SUDS3: variants seen among roughly 807,000 people sequenced by gnomAD.
SUDS3 encodes the protein SIN3A corepressor complex component SDS3.
Under a neutral mutation model 53.5 loss-of-function variants are expected in SUDS3, and 23 were observed. That is an observed-to-expected ratio of 0.43 (90% CI 0.31 to 0.61). The LOEUF (loss-of-function observed/expected upper bound fraction) is 0.61. Among genes scored for constraint, SUDS3 ranks in the 20% least tolerant of loss-of-function variants. The pLI, the probability that SUDS3 is intolerant of heterozygous loss-of-function variation, is 0.10. For synonymous variants in SUDS3, 150 were observed against 148.5 expected (o/e 1.01, Z -0.08); for missense variants, 291 against 405.9 (o/e 0.72, Z 2.43).
At chr12:118,387,858 C>T (rs757800429) in intron 4 of SUDS3, among the ~76,000 whole-genome samples, 66 of 152,162 alleles carry the variant, frequency 4.3e-4, no homozygotes, top group Admixed American at 2.6e-4. Context: ...GCCCGGCCCT[C>T]ATGTGTTCTT....
At position 118,376,718 on chromosome 12, in the gene SUDS3, G is replaced by C. The variant is rs2045999165; in HGVS notation, c.27G>C (p.Pro9=). ...TGAGTGCCGCGGGGCTGCTGGCCCC[G>C]GCCCCGGCCCAGGCTGGAGCGCCGC... The part of the protein sequence containing the change: MSAAGLLA[P]APAQAGAPPA... Residue 9 remains proline, a synonymous_variant, in exon 1 of 12, where the codon CCG becomes CCC. Coordinates refer to ENST00000543473, the MANE Select transcript of SUDS3 (RefSeq NM_022491.3). 1.3e-6 allele frequency: 2 copies of C among 1,521,002 alleles called. No homozygotes were observed. Among genetic ancestry groups the C allele is most frequent in the African/African-American group, 2.9e-5 (2 of 70,096 alleles). The allele number at this position is 1,521,002 out of a possible 1,614,324, so 94.2% of individuals were successfully genotyped here. A position where few individuals can be genotyped will look rare whatever the true frequency, so the allele number is the denominator to read the frequency against.
intron 6 of SUDS3, among the ~76,000 whole-genome samples, chr12:118,394,838 A>G (rs2046199371): frequency 6.6e-6 from 1 of 152,096 alleles, no homozygotes; most frequent in Non-Finnish European, 1.5e-5. Context: ...GGCATGTGCC[A>G]CCTTACCTGG....
rs755543800 is a variant in SUDS3 at position 118,401,964 on chromosome 12, G to T, written c.676-19G>T. On this transcript the variant is annotated intron_variant, in intron 8 of 11. Coordinates refer to ENST00000543473, the MANE Select transcript of SUDS3 (RefSeq NM_022491.3). ...GAAATGATTTTCTCTAAGATTTTTT[G>T]TTGTTGTTCTTCCTACAGCTTAAGT... The T allele has an allele frequency of 3.1e-5, 50 of 1,613,610 alleles. No homozygotes were observed. The highest frequency in any genetic ancestry group is 1.1e-4 in the East Asian group (5 of 44,882).
chr12:118,398,604 A>G (rs1011945555), intron 6 of SUDS3, among the ~76,000 whole-genome samples: 3 of 141,560 alleles, frequency 2.1e-5, no homozygotes, highest in Non-Finnish European at 1.5e-5. Context: ...TAAGAGCAAC[A>G]TGCAGAAGCC....
chr12:118,378,949 A>G (rs2046028858), intron 1 of SUDS3, among the ~76,000 whole-genome samples: 1 of 151,706 alleles, frequency 6.6e-6, no homozygotes, highest in Non-Finnish European at 1.5e-5. Flanking sequence ...TGCTGGGATT[A>G]CAGGCGTGAG....
rs913067142 is a variant in SUDS3, at chr12:118,388,245, C to T, written c.341-1682C>T. Among the ~76,000 whole-genome samples the T allele has an allele frequency of 1.1e-4, 17 of 152,288 alleles. No homozygotes were observed. The South Asian group carries it at 3.3e-3, about 30-fold the overall frequency. On this transcript the variant is annotated intron_variant, in intron 4 of 11. Coordinates refer to ENST00000543473, the MANE Select transcript of SUDS3 (RefSeq NM_022491.3). Reference sequence around the variant, plus strand: ...CTTGTCCCTTTCCTCAGTTAATTTTCTCTGTCAACAACTGTTAACATCTGG... The same window carrying T: ...CTTGTCCCTTTCCTCAGTTAATTTTTTCTGTCAACAACTGTTAACATCTGG...
intron 2 of SUDS3, among the ~76,000 whole-genome samples, 182 bp from the exon 3 acceptor site, chr12:118,383,830 C>A (rs1001828698): frequency 2.0e-5 from 3 of 152,174 alleles, no homozygotes; most frequent in African/African-American, 7.2e-5. Flanking sequence ...CTTTCTTGTT[C>A]CTTTCTGATC....
chr12:118,404,616 ATTTC>A (rs1211732653), intron 10 of SUDS3: 10 of 152,314 alleles, frequency 6.6e-5, no homozygotes, highest in Admixed American at 5.9e-4. Flanking sequence ...ATTCTGATAT[ATTTC>A]TTTTTATTCT....
At position 118,380,198 on chromosome 12, in the gene SUDS3, A is replaced by G. The variant is rs766233481; in HGVS notation, c.179A>G (p.His60Arg). The G allele has an allele frequency of 2.5e-6, 4 of 1,609,308 alleles. No homozygotes were observed. The highest frequency in any genetic ancestry group is 3.4e-5 in the Admixed American group (2 of 59,404). The stretch of plus-strand genomic sequence containing the variant: ...GCTAGTGAAACTGACCTGGCAAAGC[A>G]TGATGAAGAAGACTATGTAGAAATG... ...EDASETDLAK[H>R]DEEDYVEMKE... Residue 60 changes from histidine to arginine, a missense_variant, in exon 2 of 12, where the codon CAT becomes CGT. His to Arg is a conservative substitution (Grantham distance 29, BLOSUM62 0). This residue lies in a region of SUDS3 where 149 missense variants were observed against 146.5 expected (regional missense o/e 1.02). Coordinates refer to ENST00000543473, the MANE Select transcript of SUDS3 (RefSeq NM_022491.3).
In SUDS3 at chr12:118,390,302, G is replaced by A. The variant is rs531730689; in HGVS notation, c.360+356G>A. 3.9e-4 allele frequency among the ~76,000 whole-genome samples: 60 copies of A among 152,272 alleles called. 1 individual carries two copies. The South Asian group carries it at 7.7e-3, about 19-fold the overall frequency. ...GGCTCAGCAGTTCTGTTTTACAGCTGCAACTCTCTGGGCCAGTAAAAAAAG... is the reference window on the plus strand; with the variant it reads ...GGCTCAGCAGTTCTGTTTTACAGCTACAACTCTCTGGGCCAGTAAAAAAAG... On this transcript the variant is annotated intron_variant, in intron 5 of 11. Coordinates refer to ENST00000543473, the MANE Select transcript of SUDS3 (RefSeq NM_022491.3).
At chr12:118,386,431 C>T (rs2046115259) in intron 4 of SUDS3, among the ~76,000 whole-genome samples, 1 of 152,178 alleles carries the variant, frequency 6.6e-6, no homozygotes, top group African/African-American at 2.4e-5. Flanking sequence ...AGGTTGTTCT[C>T]CCTGGTACCC....
chr12:118,386,245 C>G (rs929919264), intron 4 of SUDS3, 60 bp downstream of exon 4: 1 of 1,324,368 alleles, frequency 7.6e-7, no homozygotes, highest in Non-Finnish European at 1.1e-6. Context: ...TGCCGATCGT[C>G]GGTGTAATGC....
chr12:118,394,041 G>A (rs1049348940), intron 6 of SUDS3, among the ~76,000 whole-genome samples: 5 of 152,166 alleles, frequency 3.3e-5, no homozygotes, highest in African/African-American at 9.7e-5. Flanking sequence ...GATACCACAA[G>A]TCATTACAAT....
At chr12:118,389,098 G>T (rs1366578066) in intron 4 of SUDS3, among the ~76,000 whole-genome samples, 2 of 152,034 alleles carry the variant, frequency 1.3e-5, no homozygotes, top group African/African-American at 4.8e-5. Flanking sequence ...GCTGTGAGTC[G>T]AGATCATGCC....
chr12:118,400,205 T>C (rs1417610866), intron 6 of SUDS3, among the ~76,000 whole-genome samples: 2 of 152,236 alleles, frequency 1.3e-5, no homozygotes, highest in East Asian at 3.9e-4. Context: ...ATGTTGGCAC[T>C]GAGGCCAGTG....
chr12:118,396,312 G>C (rs1164226160), intron 6 of SUDS3, among the ~76,000 whole-genome samples: 3 of 152,184 alleles, frequency 2.0e-5, no homozygotes, highest in African/African-American at 7.2e-5. Flanking sequence ...TTGGAGTGCA[G>C]TGGCACGATC....
chr12:118,385,309 A>G (rs1232611073), intron 3 of SUDS3, among the ~76,000 whole-genome samples: 6 of 152,250 alleles, frequency 3.9e-5, no homozygotes. Context: ...GGGTTTCACC[A>G]CATTGGCCAG....
intron 10 of SUDS3, among the ~76,000 whole-genome samples, chr12:118,404,796 C>A (rs1322237853): frequency 6.6e-6 from 1 of 152,010 alleles, no homozygotes; most frequent in Non-Finnish European, 1.5e-5. Context: ...CAGTATCTAA[C>A]CAAAAGTTCC....
intron 5 of SUDS3, 29 bp from the exon 6 acceptor site, chr12:118,391,097 C>T: frequency 1.2e-6 from 2 of 1,610,934 alleles, no homozygotes; most frequent in East Asian, 2.2e-5. Flanking sequence ...GGGCTGTGTA[C>T]TCCCAGCCCG....
Sources: gnomAD v4.1 joint callset for allele counts (sites outside exome capture counted in the v4.1 genomes callset) on GRCh38, gnomAD v4.1.1 for gene constraint, gnomAD v4.1.1 regional missense constraint, MANE v1.5 for transcripts, NCBI Gene and HGNC (gene_info 2026-07-23, HGNC 2026-07-21) for gene names.